Variants in HS3ST4 observed in about 807,000 individuals in gnomAD.
The protein encoded by HS3ST4 is heparan sulfate glucosamine 3-O-sulfotransferase 4.
HS3ST4 carries 17 observed loss-of-function variants against 29.2 expected under a neutral mutation model. The observed-to-expected ratio is 0.58, with a 90% CI of 0.40 to 0.87. The LOEUF is 0.87. Among genes scored for constraint, HS3ST4 ranks in the 40% least tolerant of loss-of-function variants. HS3ST4 has a pLI of 0.00. For missense variants in HS3ST4, 627 were observed against 634.5 expected (o/e 0.99, Z 0.13); for synonymous variants, 314 against 285.7 (o/e 1.10, Z -1.00).
At chr16:25,920,037 G>A (rs56168704) in intron 1 of HS3ST4, among the ~76,000 whole-genome samples, 14,694 of 151,834 alleles carry the variant, frequency 0.097, 765 homozygotes, top group South Asian at 0.11. Context: ...TGCTTCATAT[G>A]ATTCTCTGGG....
chr16:25,992,347 A>G (rs1329327703), intron 1 of HS3ST4, among the ~76,000 whole-genome samples: 1 of 152,242 alleles, frequency 6.6e-6, no homozygotes, highest in Non-Finnish European at 1.5e-5. Flanking sequence ...AAGCTGAGAC[A>G]TGGATGATGT....
chr16:25,882,599 T>G (rs1967905251), intron 1 of HS3ST4, among the ~76,000 whole-genome samples: 1 of 152,200 alleles, frequency 6.6e-6, no homozygotes, highest in Admixed American at 6.5e-5. Flanking sequence ...TGGTTCCTTT[T>G]AGTTCTACTG....
At chr16:26,064,306 A>G (rs560801179) in intron 1 of HS3ST4, among the ~76,000 whole-genome samples, 2 of 152,180 alleles carry the variant, frequency 1.3e-5, no homozygotes, top group African/African-American at 4.8e-5. Context: ...TCCCTATCCA[A>G]AAAAAAAGTT....
intron 1 of HS3ST4, among the ~76,000 whole-genome samples, chr16:25,712,619 C>T (rs561197476): frequency 1.7e-3 from 262 of 151,614 alleles, no homozygotes; most frequent in Non-Finnish European, 2.8e-3. Flanking sequence ...GAAGGCAGTA[C>T]GGATATATCT....
At chr16:25,710,608 G>A (rs1246157323) in intron 1 of HS3ST4, among the ~76,000 whole-genome samples, 3 of 151,854 alleles carry the variant, frequency 2.0e-5, no homozygotes, top group Admixed American at 6.6e-5. Flanking sequence ...TCATCCAGTC[G>A]CTATTAGGCC....
At chr16:25,707,995 A>G (rs759958741) in intron 1 of HS3ST4, among the ~76,000 whole-genome samples, 7 of 152,196 alleles carry the variant, frequency 4.6e-5, no homozygotes, top group Non-Finnish European at 7.3e-5. Flanking sequence ...CCTGTATTCC[A>G]TAGTTACTCC....
chr16:25,980,504 T>C (rs1224341329), intron 1 of HS3ST4, among the ~76,000 whole-genome samples: 1 of 152,182 alleles, frequency 6.6e-6, no homozygotes, highest in African/African-American at 2.4e-5. Flanking sequence ...CAAAGCCAGC[T>C]ACGGCTGTAT....
At position 25,905,269 on chromosome 16, in the gene HS3ST4, C is replaced by T. The variant is rs575483997; in HGVS notation, c.734+212118C>T. Among the ~76,000 whole-genome samples, 152 of 152,146 alleles carry T rather than the reference C, an allele frequency of 1.0e-3. 1 individual carries two copies. The highest frequency in any genetic ancestry group is 3.5e-3 in the African/African-American group (145 of 41,502). ...AACCTGATAAGACTGGATTCCTCTC[C>T]TAAAACTTCCTTGGCAGCAGGGTGG... On this transcript the variant is annotated intron_variant, in intron 1 of 1. Transcript: ENST00000331351.
intron 1 of HS3ST4, among the ~76,000 whole-genome samples, chr16:25,994,788 C>T (rs752181509): frequency 6.6e-6 from 1 of 152,202 alleles, no homozygotes; most frequent in African/African-American, 2.4e-5. Context: ...GCTCTTCTAT[C>T]TCTCAAGAGT....
At chr16:25,895,172 T>TGTGCGTG (rs1968047765) in intron 1 of HS3ST4, among the ~76,000 whole-genome samples, 1 of 152,078 alleles carries the variant, frequency 6.6e-6, no homozygotes. Context: ...CTCACAAGTG[T>TGTGCGTG]GTGCGTGTGT....
chr16:25,935,784 G>A (rs1968511708), intron 1 of HS3ST4, among the ~76,000 whole-genome samples: 1 of 151,986 alleles, frequency 6.6e-6, no homozygotes, highest in African/African-American at 2.4e-5. Flanking sequence ...ATGTTTATAT[G>A]TTTATAGCAT....
At chr16:25,729,556 G>A (rs1041261603) in intron 1 of HS3ST4, among the ~76,000 whole-genome samples, 1 of 152,160 alleles carries the variant, frequency 6.6e-6, no homozygotes, top group South Asian at 2.1e-4. Flanking sequence ...GATTGCAATC[G>A]CAAAGACAGA....
intron 1 of HS3ST4, among the ~76,000 whole-genome samples, chr16:25,876,675 G>A (rs1967836344): frequency 1.3e-5 from 2 of 152,088 alleles, no homozygotes; most frequent in South Asian, 4.1e-4. Flanking sequence ...ACAGTGCTGG[G>A]AATGGAGGGG....
chr16:25,843,357 C>G (rs2141645819), intron 1 of HS3ST4, among the ~76,000 whole-genome samples: 1 of 152,252 alleles, frequency 6.6e-6, no homozygotes, highest in South Asian at 2.1e-4. Context: ...AGGGACGCTG[C>G]CCCTTTACAA....
chr16:25,892,569 C>T (rs1286345466), intron 1 of HS3ST4, among the ~76,000 whole-genome samples: 1 of 152,128 alleles, frequency 6.6e-6, no homozygotes, highest in African/African-American at 2.4e-5. Flanking sequence ...GATTGGGCTC[C>T]ACTGCCTGGT....
intron 1 of HS3ST4, among the ~76,000 whole-genome samples, chr16:26,015,169 C>T (rs1224107480): frequency 6.6e-6 from 1 of 152,206 alleles, no homozygotes; most frequent in African/African-American, 2.4e-5. Flanking sequence ...TGGGGGCCCT[C>T]AACCCCATCC....
chr16:25,717,117 C>A (rs1966459675), intron 1 of HS3ST4, among the ~76,000 whole-genome samples: 1 of 152,000 alleles, frequency 6.6e-6, no homozygotes, highest in Non-Finnish European at 1.5e-5. Context: ...ACACACAAAT[C>A]AACTTAAAGA....
chr16:26,025,432 G>A (rs1969459872), intron 1 of HS3ST4: 1 of 154,318 alleles, frequency 6.5e-6, no homozygotes, highest in Non-Finnish European at 1.5e-5. Context: ...TTCTTTTGAA[G>A]GGATATTTTA....
chr16:25,822,938 A>G lies in HS3ST4; in HGVS notation c.734+129787A>G, dbSNP rs543895595. On this transcript the variant is annotated intron_variant, in intron 1 of 1. Coordinates refer to ENST00000331351, the MANE Select transcript of HS3ST4 (RefSeq NM_006040.3). The stretch of plus-strand genomic sequence containing the variant: ...TTTTTAGTAGAGAAAGGATTTCCCT[A>G]TGTTGGTCAGGCTGGTCTTGAACTC... 1.2e-4 allele frequency among the ~76,000 whole-genome samples: 19 copies of G among 152,098 alleles called. No homozygotes were observed. In the South Asian group the frequency reaches 2.9e-3, roughly 23 times the overall value.
Sources: allele counts gnomAD v4.1 joint callset (sites outside exome capture counted in the v4.1 genomes callset), GRCh38; gene constraint gnomAD v4.1.1; transcripts MANE v1.5; gene names NCBI Gene and HGNC (gene_info 2026-07-23, HGNC 2026-07-21).